NFIC: variants seen among roughly 807,000 people sequenced by gnomAD.
NFIC encodes the protein nuclear factor 1 C-type.
NFIC carries 12 observed loss-of-function variants against 54.4 expected under a neutral mutation model. That is an observed-to-expected ratio of 0.22 (90% CI 0.14 to 0.36). The LOEUF (loss-of-function observed/expected upper bound fraction) is 0.36, where lower values mean the gene tolerates loss of function less well. Among genes scored for constraint, NFIC ranks in the 10% least tolerant of loss-of-function variants. The pLI is 1.00. For missense variants in NFIC, 575 were observed against 718.2 expected (o/e 0.80, Z 2.28); for synonymous variants, 322 against 319.2 (o/e 1.01, Z -0.09).
Position 3,394,513 on chromosome 19 carries a change from T to TCCCCCCCCCCCCC in NFIC, c.562+12270_562+12271insCCCCCCCCCCCCC, listed in dbSNP as rs1192475558. ...AGTTATCGAGGTATTTTATGATCTT[T>TCCCCCCCCCCCCC]TCCCCACCCACCCCCCACCCGCTTA... On this transcript the variant is annotated intron_variant, in intron 2 of 10. Transcript: ENST00000443272. Among the ~76,000 whole-genome samples the TCCCCCCCCCCCCC allele has an allele frequency of 3.8e-3, 34 of 9,004 alleles. 1 individual carries two copies. The highest frequency in any genetic ancestry group is 0.012 in the African/African-American group (32 of 2,564). 5.9% of individuals were successfully genotyped at this position (9,004 alleles called of 152,430 possible).
rs557220870 is a variant in NFIC, at chr19:3,464,649, AC to A, written c.*1886del. Reference sequence around the variant, plus strand: ...CCGGGTCTCACCTGCTCCTAGCCTCACCCCCCTGCCCCCGAAAACCAGACTC... The same window carrying A: ...CCGGGTCTCACCTGCTCCTAGCCTCACCCCCTGCCCCCGAAAACCAGACTC... On this transcript the variant is annotated 3_prime_UTR_variant, in exon 11 of 11. Coordinates refer to ENST00000443272, the MANE Select transcript of NFIC (RefSeq NM_001245002.2). 1.6e-4 allele frequency: 157 copies of A among 966,372 alleles called. No individual in the cohort carries two copies. The African/African-American group carries it at 2.7e-3, about 17-fold the overall frequency. The allele number at this position is 966,372 out of a possible 1,614,324, so 59.9% of individuals were successfully genotyped here. A position where few individuals can be genotyped will look rare whatever the true frequency, so the allele number is the denominator to read the frequency against.
At chr19:3,431,425 G>A (rs1044747917) in intron 3 of NFIC, among the ~76,000 whole-genome samples, 1 of 130,682 alleles carries the variant, frequency 7.7e-6, no homozygotes, top group Non-Finnish European at 1.5e-5. Context: ...CTGGAGTGCA[G>A]TGGTGCAATC....
At chr19:3,456,863 C>T in intron 10 of NFIC, 1 of 580,540 alleles carries the variant, frequency 1.7e-6, no homozygotes, top group South Asian at 2.0e-5. Context: ...CAGACTCAGC[C>T]TGTGGGGTCC....
At position 3,456,545 on chromosome 19, in the gene NFIC, T is replaced by C. The variant is rs944151052; in HGVS notation, c.1424-5T>C. On this transcript the variant is annotated splice_region_variant and splice_polypyrimidine_tract_variant and intron_variant, in intron 9 of 10. Coordinates refer to ENST00000443272, the MANE Select transcript of NFIC (RefSeq NM_001245002.2). ...ACGGGCTCTCGGTCTCTCTCCTCCCTGCAGCCTACTCTCCGCCCGACACGT... is the reference window on the plus strand; with the variant it reads ...ACGGGCTCTCGGTCTCTCTCCTCCCCGCAGCCTACTCTCCGCCCGACACGT... The C allele has an allele frequency of 1.3e-6, 2 of 1,551,646 alleles. No individual in the cohort carries two copies. Among genetic ancestry groups the C allele is most frequent in the Non-Finnish European group, 1.7e-6 (2 of 1,146,928 alleles).
Position 3,462,901 on chromosome 19 carries a change from C to T in NFIC, c.*132C>T. 6.4e-7 allele frequency: 1 copy of T among 1,550,772 alleles called. No homozygotes were observed. The highest frequency in any genetic ancestry group is 8.7e-7 in the Non-Finnish European group (1 of 1,155,656). On this transcript the variant is annotated 3_prime_UTR_variant, in exon 11 of 11. Coordinates refer to ENST00000443272, the MANE Select transcript of NFIC (RefSeq NM_001245002.2). ...ACACCCCTGCCGACTCCCAGCCCGG[C>T]CAAAAAGACAAAACACATAGACGCA...
Position 3,425,149 on chromosome 19 carries a change from C to G in NFIC, c.606C>G (p.Asp202Glu). 1 of 1,612,792 alleles carries G rather than the reference C, an allele frequency of 6.2e-7. No homozygotes were observed. The highest frequency in any genetic ancestry group is 1.1e-5 in the South Asian group (1 of 91,030). ...SGSPRTGMGS[D>E]QEDSKPITLD... ...GTCCCCGGACAGGGATGGGCTCTGA[C>G]CAGGAGGACAGCAAGCCCATCACGC... The change falls in exon 3 of 11, where the codon GAC becomes GAG. Residue 202 changes from aspartate to glutamate, a missense_variant. Transcript: ENST00000443272.
chr19:3,396,625 C>T (rs2081468934), intron 2 of NFIC, among the ~76,000 whole-genome samples: 1 of 152,180 alleles, frequency 6.6e-6, no homozygotes, highest in South Asian at 2.1e-4. Flanking sequence ...ACACCACGGC[C>T]GCTCGTAGCC....
chr19:3,435,134 T>G lies in NFIC; in HGVS notation c.885T>G (p.Pro295=). The G allele has an allele frequency of 6.2e-7, 1 of 1,605,968 alleles. No individual in the cohort carries two copies. The highest frequency in any genetic ancestry group is 1.1e-5 in the South Asian group (1 of 89,430). Residue 295 remains proline (P), a synonymous_variant, in exon 6 of 11, where the codon CCT becomes CCG. Coordinates refer to ENST00000443272, the MANE Select transcript of NFIC (RefSeq NM_001245002.2). ...TGGAGGAAGACGTGGACACGAGCCCTGGCGGCGATTACTACACTTCGCCCA... is the reference window on the plus strand; with the variant it reads ...TGGAGGAAGACGTGGACACGAGCCCGGGCGGCGATTACTACACTTCGCCCA... ...GSMEEDVDTS[P]GGDYYTSPSS...
chr19:3,369,322 TC>T lies in NFIC; in HGVS notation c.30+2660del, dbSNP rs2080955931. Among the ~76,000 whole-genome samples the T allele has an allele frequency of 1.3e-5, 2 of 151,308 alleles. No individual in the cohort carries two copies. Among genetic ancestry groups the T allele is most frequent in the South Asian group, 4.2e-4 (2 of 4,800 alleles). ...CCTTTCTCCTCTGTCTCTGCGTGTC[TC>T]CCCTTGCCCCCTCTCTCCCTGTCTC... On this transcript the variant is annotated intron_variant, in intron 1 of 10. Coordinates refer to ENST00000443272, the MANE Select transcript of NFIC (RefSeq NM_001245002.2). This position sits in a 1 kb window ranked among gnomAD's most constrained non-coding sequence, Gnocchi z 4.3.
intron 1 of NFIC, among the ~76,000 whole-genome samples, chr19:3,367,030 C>T (rs1279629926): frequency 6.6e-6 from 1 of 151,330 alleles, no homozygotes; most frequent in African/African-American, 2.4e-5. Context: ...GGGGGCTGGC[C>T]CCCCTCCAGC....
At chr19:3,422,028 C>T (rs757713969) in intron 2 of NFIC, among the ~76,000 whole-genome samples, 5 of 152,126 alleles carry the variant, frequency 3.3e-5, no homozygotes, top group Admixed American at 6.6e-5. Flanking sequence ...CCTCCGCCTC[C>T]GGGGTTCGAG....
At position 3,370,990 on chromosome 19, in the gene NFIC, G is replaced by A. The variant is rs1332602960; in HGVS notation, c.30+4324G>A. Among the ~76,000 whole-genome samples the A allele has an allele frequency of 1.3e-5, 2 of 152,204 alleles. No individual in the cohort carries two copies. The highest frequency in any genetic ancestry group is 2.9e-5 in the Non-Finnish European group (2 of 68,044). ...CGTGCACACTCCCTGACACCCATAC[G>A]GACGAGGACACAGCTCTGCCTGCCT... On this transcript the variant is annotated intron_variant, in intron 1 of 10. Coordinates refer to ENST00000443272, the MANE Select transcript of NFIC (RefSeq NM_001245002.2). The surrounding 1 kb of genome is among the most constrained non-coding windows in gnomAD (Gnocchi z 5.2).
intron 2 of NFIC, among the ~76,000 whole-genome samples, chr19:3,415,305 G>C (rs1415764562): frequency 6.6e-6 from 1 of 151,442 alleles, no homozygotes. Flanking sequence ...ACTTTTAGTA[G>C]AGATGGGGTT....
At chr19:3,359,644 C>T, upstream of NFIC, 5 of 1,360,220 alleles carry the variant, frequency 3.7e-6, no homozygotes, top group Non-Finnish European at 4.8e-6. Flanking sequence ...ACCGAGCGCG[C>T]TCGCTCCGGC....
chr19:3,373,813 C>T (rs1457097373), intron 1 of NFIC, among the ~76,000 whole-genome samples: 1 of 152,198 alleles, frequency 6.6e-6, no homozygotes, highest in Non-Finnish European at 1.5e-5. Context: ...CGGCACCCTA[C>T]CTGGGACCGG....
At chr19:3,456,689 G>C in intron 10 of NFIC, 54 bp downstream of exon 10, 1 of 1,355,814 alleles carries the variant, frequency 7.4e-7, no homozygotes. Context: ...AGAGGGGCCG[G>C]CCCGGGGGGC....
intron 2 of NFIC, among the ~76,000 whole-genome samples, chr19:3,390,570 A>G (rs1050983794): frequency 5.9e-5 from 9 of 152,176 alleles, no homozygotes; most frequent in African/African-American, 1.9e-4. Flanking sequence ...CCCCCATCAA[A>G]TGGGGATGAT....
Position 3,462,706 on chromosome 19 carries a change from C to G in NFIC, c.1510-46C>G, listed in dbSNP as rs747288733. 65 of 1,605,894 alleles carry G rather than the reference C, an allele frequency of 4.0e-5. 3 individuals are homozygous for G. The South Asian group carries it at 6.8e-4, about 17-fold the overall frequency. ...AGCAGAGTCTGACCCCTCGACTTCT[C>G]TCCCTTTTTCTCTCTCCCTCTTTCT... On this transcript the variant is annotated intron_variant, in intron 10 of 10. Transcript: ENST00000443272.
intron 3 of NFIC, among the ~76,000 whole-genome samples, chr19:3,427,943 G>A (rs2082053302): frequency 6.6e-6 from 1 of 152,070 alleles, no homozygotes; most frequent in Admixed American, 6.6e-5. Context: ...ACTGAGGTGG[G>A]TGGATCACCT....
Sources: allele counts gnomAD v4.1 joint callset (sites outside exome capture counted in the v4.1 genomes callset), GRCh38; gene constraint gnomAD v4.1.1; non-coding constraint Gnocchi (gnomAD v3.1); transcripts MANE v1.5; gene names NCBI Gene and HGNC (gene_info 2026-07-23, HGNC 2026-07-21).